Variants in TOMM34 observed in about 807,000 individuals in gnomAD.
The protein encoded by TOMM34 is mitochondrial import receptor subunit TOM34.
A neutral mutation model predicts 37.4 loss-of-function variants in TOMM34; 24 were observed. That is an observed-to-expected ratio of 0.64 (90% CI 0.46 to 0.90). The LOEUF is 0.90. Ranked by LOEUF, TOMM34 falls within the 40% of genes least tolerant of loss-of-function variation. The probability of loss-of-function intolerance (pLI) is 0.00; values close to 1 mark genes in which losing one functional copy is unlikely to be tolerated. For synonymous variants in TOMM34, 154 were observed against 148.9 expected (o/e 1.03, Z -0.25); for missense variants, 304 against 375.6 (o/e 0.81, Z 1.58).
intron 5 of TOMM34, among the ~76,000 whole-genome samples, chr20:44,944,248 T>C (rs954904524): frequency 6.6e-6 from 1 of 152,242 alleles, no homozygotes; most frequent in Non-Finnish European, 1.5e-5. Flanking sequence ...ATACAATATA[T>C]TCTGCATCTG....
rs2145612968 is a variant in TOMM34, at chr20:44,960,394, C to G, written c.-61G>C. ...TTCCTCCCCCGTGTGGTGCGGCACACCTTCCGGGCGCAAGCGCCGGCGGCG... is the reference window on the plus strand; with the variant it reads ...TTCCTCCCCCGTGTGGTGCGGCACAGCTTCCGGGCGCAAGCGCCGGCGGCG... On this transcript the variant is annotated 5_prime_UTR_variant, in exon 1 of 7. Transcript: ENST00000372813. 4 of 1,438,506 alleles carry G rather than the reference C, an allele frequency of 2.8e-6. No homozygotes were observed. The highest frequency in any genetic ancestry group is 2.9e-5 in the South Asian group (2 of 68,106). The allele number at this position is 1,438,506 out of a possible 1,614,324, so 89.1% of individuals were successfully genotyped here. A position where few individuals can be genotyped will look rare whatever the true frequency, so the allele number is the denominator to read the frequency against.
chr20:44,956,032 C>G (rs2067069367), intron 2 of TOMM34, among the ~76,000 whole-genome samples: 1 of 152,176 alleles, frequency 6.6e-6, no homozygotes, highest in Admixed American at 6.5e-5. Flanking sequence ...CCTTCGCTCC[C>G]TTCCCCTCAC....
At chr20:44,958,166 T>G (rs1416552087) in intron 1 of TOMM34, among the ~76,000 whole-genome samples, 2 of 113,598 alleles carry the variant, frequency 1.8e-5, no homozygotes, top group Admixed American at 1.0e-4. Flanking sequence ...GTGTGTGTGT[T>G]AACAGGAAAG....
chr20:44,943,259 G>T (rs2066951165), intron 6 of TOMM34, 46 bp from the exon 7 acceptor site: 1 of 1,608,796 alleles, frequency 6.2e-7, no homozygotes, highest in African/African-American at 1.3e-5. Context: ...TCCCGGACTG[G>T]GGTGGGGATA....
chr20:44,945,959 G>A (rs888583096), intron 5 of TOMM34, among the ~76,000 whole-genome samples: 2 of 152,098 alleles, frequency 1.3e-5, no homozygotes, highest in Non-Finnish European at 2.9e-5. Context: ...CTGGGTTCAA[G>A]CGATTCTCCT....
chr20:44,959,762 C>T (rs2067109071), intron 1 of TOMM34, among the ~76,000 whole-genome samples: 1 of 152,104 alleles, frequency 6.6e-6, no homozygotes. Flanking sequence ...ATCACATCAC[C>T]CTATTTGTCT....
intron 4 of TOMM34, among the ~76,000 whole-genome samples, chr20:44,951,125 G>A (rs1344755644): frequency 6.6e-6 from 1 of 152,134 alleles, no homozygotes; most frequent in Admixed American, 6.5e-5. Flanking sequence ...TTCAGGGAAT[G>A]GCCTGTGACC....
At chr20:44,957,841 CTGTGTTGCCCA>C (rs1232980940) in intron 1 of TOMM34, among the ~76,000 whole-genome samples, 2 of 152,224 alleles carry the variant, frequency 1.3e-5, no homozygotes, top group East Asian at 3.9e-4. Context: ...CAGAGTCCCA[CTGTGTTGCCCA>C]GGTTGGTCTT....
At chr20:44,956,639 G>A (rs1422302819) in intron 1 of TOMM34, among the ~76,000 whole-genome samples, 154 bp from the exon 2 acceptor site, 1 of 152,142 alleles carries the variant, frequency 6.6e-6, no homozygotes, top group Non-Finnish European at 1.5e-5. Context: ...GGGCTGGCGT[G>A]TTTGTCATTC....
chr20:44,946,978 T>C (rs1955950833), intron 5 of TOMM34, among the ~76,000 whole-genome samples: 1 of 152,168 alleles, frequency 6.6e-6, no homozygotes, highest in African/African-American at 2.4e-5. Context: ...CTATAAGATA[T>C]TATAAAGCAA....
At chr20:44,956,268 C>A (rs779761162) in intron 2 of TOMM34, 118 bp downstream of exon 2, 10 of 1,006,138 alleles carry the variant, frequency 9.9e-6, no homozygotes, top group African/African-American at 1.6e-5. Flanking sequence ...GTGACACTTT[C>A]TTAATATCTG....
intron 1 of TOMM34, among the ~76,000 whole-genome samples, chr20:44,956,937 G>A (rs1042389747): frequency 1.3e-5 from 2 of 151,860 alleles, no homozygotes; most frequent in African/African-American, 4.8e-5. Context: ...TATGATAAAT[G>A]GATTGACCAA....
chr20:44,952,009 A>G lies in TOMM34; in HGVS notation c.381-7T>C, dbSNP rs1349426782. On this transcript the variant is annotated splice_polypyrimidine_tract_variant and splice_region_variant and intron_variant, in intron 3 of 6. Transcript: ENST00000372813. The stretch of plus-strand genomic sequence containing the variant: ...CATGAGAGCTCTGGTCATTCTGGAA[A>G]AGAAGGCAGGATTGCAGGGAGGTTT... The G allele has an allele frequency of 6.2e-7, 1 of 1,603,366 alleles. No homozygotes were observed. The highest frequency in any genetic ancestry group is 2.2e-5 in the East Asian group (1 of 44,618).
rs1317897268 is a variant in TOMM34 at position 44,943,050 on chromosome 20, G to A, written c.*59C>T. On this transcript the variant is annotated 3_prime_UTR_variant, in exon 7 of 7. Transcript: ENST00000372813. ...GGTTTCAGGAGCGGGCACAGAGCAG[G>A]TGGCCCATGGCTTCTCTGGGTAAGG... 2 of 1,551,762 alleles carry A rather than the reference G, an allele frequency of 1.3e-6. No homozygotes were observed. The highest frequency in any genetic ancestry group is 2.7e-5 in the African/African-American group (2 of 73,630).
At chr20:44,956,608 G>T in intron 1 of TOMM34, 123 bp from the exon 2 acceptor site, 1 of 823,550 alleles carries the variant, frequency 1.2e-6, no homozygotes, top group Non-Finnish European at 1.9e-6. Context: ...ACTATAACCT[G>T]TTCAGGCTTG....
At chr20:44,949,942 T>C (rs1367633402) in intron 4 of TOMM34, among the ~76,000 whole-genome samples, 1 of 152,268 alleles carries the variant, frequency 6.6e-6, no homozygotes, top group Non-Finnish European at 1.5e-5. Context: ...CTTAATGTTA[T>C]ATTTCTGAGA....
chr20:44,954,783 G>A (rs533828999), intron 3 of TOMM34, among the ~76,000 whole-genome samples: 14 of 152,264 alleles, frequency 9.2e-5, no homozygotes, highest in African/African-American at 3.4e-4. Context: ...CCACTGAACC[G>A]GGCACAACAC....
At chr20:44,947,292 A>C (rs536832757) in intron 5 of TOMM34, among the ~76,000 whole-genome samples, 45 of 152,196 alleles carry the variant, frequency 3.0e-4, no homozygotes, top group Non-Finnish European at 6.0e-4. Flanking sequence ...ATAAGCTTTA[A>C]AACTACAAGT....
At chr20:44,960,128 G>A in intron 1 of TOMM34, 79 bp downstream of exon 1, 13 of 1,482,104 alleles carry the variant, frequency 8.8e-6, no homozygotes, top group Non-Finnish European at 1.2e-5. Context: ...AGGACTGCTG[G>A]CCGCCGCGCG....
Sources: allele counts gnomAD v4.1 joint callset (sites outside exome capture counted in the v4.1 genomes callset), GRCh38; gene constraint gnomAD v4.1.1; transcripts MANE v1.5; gene names NCBI Gene and HGNC (gene_info 2026-07-23, HGNC 2026-07-21).